Variants in MAP3K20 observed in about 807,000 individuals in gnomAD.
MAP3K20 encodes the protein HCCS-4.
In MAP3K20, 40 loss-of-function variants were observed where a neutral mutation model predicts 85.7. That is an observed-to-expected ratio of 0.47 (90% confidence interval 0.36 to 0.61). The LOEUF (loss-of-function observed/expected upper bound fraction) is 0.61. MAP3K20 is among the 20% of genes least tolerant of loss of function. The pLI is 0.00. For missense variants in MAP3K20, 817 were observed against 961.7 expected (o/e 0.85, Z 1.99); for synonymous variants, 325 against 327.7 (o/e 0.99, Z 0.09).
At chr2:173,156,537 A>T (rs1689477098) in intron 2 of MAP3K20, among the ~76,000 whole-genome samples, 1 of 152,160 alleles carries the variant, frequency 6.6e-6, no homozygotes, top group South Asian at 2.1e-4. Flanking sequence ...TGGTTTCAGG[A>T]TAAAACTGTT....
chr2:173,191,795 C>G (rs987605874), intron 7 of MAP3K20, among the ~76,000 whole-genome samples: 2 of 152,112 alleles, frequency 1.3e-5, no homozygotes, highest in Admixed American at 6.5e-5. Context: ...AGAGAATAGA[C>G]TAATGAGGGG....
chr2:173,251,609 G>A (rs1685044090), intron 16 of MAP3K20, among the ~76,000 whole-genome samples: 1 of 152,156 alleles, frequency 6.6e-6, no homozygotes, highest in Admixed American at 6.5e-5. Flanking sequence ...TTCATCTATG[G>A]TGATAGAAGC....
chr2:173,262,043 ATAT>A (rs1251012182), intron 18 of MAP3K20, among the ~76,000 whole-genome samples: 1 of 151,966 alleles, frequency 6.6e-6, no homozygotes, highest in East Asian at 1.9e-4. Flanking sequence ...ATACTGAAAG[ATAT>A]TATTATCCTC....
At chr2:173,112,710 A>G (rs1688010375) in intron 2 of MAP3K20, among the ~76,000 whole-genome samples, 1 of 152,176 alleles carries the variant, frequency 6.6e-6, no homozygotes, top group Non-Finnish European at 1.5e-5. Context: ...TATGTGGTGT[A>G]TCACATTTAT....
chr2:173,203,987 C>T (rs1224147524), intron 9 of MAP3K20, 117 bp downstream of exon 9: 3 of 895,276 alleles, frequency 3.4e-6, no homozygotes, highest in East Asian at 2.5e-5. Flanking sequence ...ATTGATGCTC[C>T]TATGAGCCCC....
chr2:173,121,961 A>G (rs914132840), intron 2 of MAP3K20, among the ~76,000 whole-genome samples: 8 of 152,106 alleles, frequency 5.3e-5, no homozygotes, highest in Non-Finnish European at 1.2e-4. Flanking sequence ...GGTGGCTGGG[A>G]AGGAGGCTGA....
Position 173,174,949 on chromosome 2 carries a change from T to C in MAP3K20, c.247+5057T>C, listed in dbSNP as rs575788414. 1.4e-4 allele frequency among the ~76,000 whole-genome samples: 21 copies of C among 152,350 alleles called. No homozygotes were observed. The South Asian group carries it at 4.1e-3, about 30-fold the overall frequency. On this transcript the variant is annotated intron_variant, in intron 3 of 19. Coordinates refer to ENST00000375213, the MANE Select transcript of MAP3K20 (RefSeq NM_016653.3). ...GATTGTTGAATATTTTAGTCCCATA[T>C]GCTATATTTGTAGTCATAACTGACA...
intron 18 of MAP3K20, among the ~76,000 whole-genome samples, chr2:173,263,144 G>C (rs1400379916): frequency 6.6e-6 from 1 of 152,194 alleles, no homozygotes; most frequent in Non-Finnish European, 1.5e-5. Flanking sequence ...GAACAAGAAA[G>C]TAATGTGTCT....
intron 2 of MAP3K20, among the ~76,000 whole-genome samples, chr2:173,145,508 C>T (rs1689112087): frequency 6.6e-6 from 1 of 152,148 alleles, no homozygotes. Flanking sequence ...AATCAATAAG[C>T]ATGTGTGAAA....
At chr2:173,080,126 C>G (rs1204791231) in intron 1 of MAP3K20, among the ~76,000 whole-genome samples, 1 of 152,168 alleles carries the variant, frequency 6.6e-6, no homozygotes, top group Non-Finnish European at 1.5e-5. Flanking sequence ...CATCACTCAG[C>G]AATAGGAATT....
chr2:173,198,367 T>C lies in MAP3K20; in HGVS notation c.669+255T>C. 4.0e-6 allele frequency: 1 copy of C among 249,702 alleles called. No homozygotes were observed. The highest frequency in any genetic ancestry group is 6.1e-5 in the South Asian group (1 of 16,404). The allele number at this position is 249,702 out of a possible 1,614,324, so 15.5% of individuals were successfully genotyped here. A position where few individuals can be genotyped will look rare whatever the true frequency, so the allele number is the denominator to read the frequency against. On this transcript the variant is annotated intron_variant, in intron 8 of 19. Transcript: ENST00000375213. This position sits in a 1 kb window ranked among gnomAD's most constrained non-coding sequence, Gnocchi z 5.8. ...ACTGTACTAGTTTCTCAGTCTCAAT[T>C]GTAAAACCTAGGGGTTTGTTCTTAG...
chr2:173,077,274 A>G (rs2106129378), intron 1 of MAP3K20, among the ~76,000 whole-genome samples: 1 of 152,216 alleles, frequency 6.6e-6, no homozygotes. Flanking sequence ...CCAAACCTCC[A>G]AACACGTTTA....
In MAP3K20 at chr2:173,221,555, C is replaced by CAAACAAATTCCAA. The variant is rs1431996205; in HGVS notation, c.987+4306_987+4307insAACAAATTCCAAA. The stretch of plus-strand genomic sequence containing the variant: ...AAAGCAGAAAGCAAAGTAATAAAAT[C>CAAACAAATTCCAA]ACAAATGTTTGGAAAACACAAAAGT... On this transcript the variant is annotated intron_variant, in intron 11 of 19. Transcript: ENST00000375213. The CAAACAAATTCCAA allele has an allele frequency of 3.4e-6, 5 of 1,480,396 alleles. No homozygotes were observed. In the East Asian group the frequency reaches 9.7e-5, roughly 29 times the overall value. The allele number at this position is 1,480,396 out of a possible 1,614,324, so 91.7% of individuals were successfully genotyped here.
intron 11 of MAP3K20, chr2:173,227,091 T>G (rs1574136810): frequency 4.1e-6 from 4 of 985,772 alleles, no homozygotes; most frequent in Admixed American, 6.1e-5. Flanking sequence ...TGTGAACTTT[T>G]CTTTGCTTTC....
In MAP3K20 at chr2:173,263,813, G is replaced by A. The variant is rs765532580; in HGVS notation, c.1620G>A (p.Gln540=). The A allele has an allele frequency of 6.2e-7, 1 of 1,613,640 alleles. No homozygotes were observed. Among genetic ancestry groups the A allele is most frequent in the Non-Finnish European group, 8.5e-7 (1 of 1,179,902 alleles). Residue 540 remains glutamine (Q), a synonymous_variant, in exon 19 of 20, where the codon CAG becomes CAA. Transcript: ENST00000375213. ...HSIQWSRTKP[Q]DEVKAVQLAI... ...TTCAGTGGAGTAGAACAAAACCTCA[G>A]GATGAAGTGAAAGCAGTCCAACTTG... is the stretch of plus-strand genomic sequence containing the variant.
intron 16 of MAP3K20, among the ~76,000 whole-genome samples, chr2:173,256,387 G>A (rs1043967133): frequency 6.6e-6 from 1 of 152,192 alleles, no homozygotes; most frequent in African/African-American, 2.4e-5. Context: ...AGCTACTTGG[G>A]AGGCTGAGGT....
chr2:173,116,941 GA>G (rs1688142474), intron 2 of MAP3K20, among the ~76,000 whole-genome samples: 1 of 152,102 alleles, frequency 6.6e-6, no homozygotes, highest in Non-Finnish European at 1.5e-5. Context: ...TAGCTCCTTT[GA>G]AAAAGAAGCA....
At chr2:173,117,907 G>A (rs1196055492) in intron 2 of MAP3K20, among the ~76,000 whole-genome samples, 1 of 152,112 alleles carries the variant, frequency 6.6e-6, no homozygotes. Flanking sequence ...ATTCATCAAA[G>A]TTAGGATGAT....
At chr2:173,141,961 A>G (rs1424876925) in intron 2 of MAP3K20, among the ~76,000 whole-genome samples, 1 of 152,254 alleles carries the variant, frequency 6.6e-6, no homozygotes, top group Non-Finnish European at 1.5e-5. Flanking sequence ...TTTAGAGATC[A>G]ATACCCACTT....
Sources: allele counts gnomAD v4.1 joint callset (sites outside exome capture counted in the v4.1 genomes callset), GRCh38; gene constraint gnomAD v4.1.1; non-coding constraint Gnocchi (gnomAD v3.1); transcripts MANE v1.5; gene names NCBI Gene and HGNC (gene_info 2026-07-23, HGNC 2026-07-21).